The following SERINC2 variants were observed in gnomAD, a reference collection of about 807,000 sequenced individuals.
The protein encoded by SERINC2 is tumor differentially expressed protein 2.
Under a neutral mutation model 54.2 loss-of-function variants are expected in SERINC2, and 56 were observed. That is an observed-to-expected ratio of 1.03 (90% CI 0.83 to 1.29). The LOEUF is 1.29. Among genes scored for constraint, SERINC2 ranks in the 50% most tolerant of loss-of-function variants. The pLI is 0.00. For missense variants in SERINC2, 614 were observed against 607.4 expected, an observed-to-expected ratio of 1.01 and a Z score of -0.12; for synonymous variants, 272 against 253.1, an observed-to-expected ratio of 1.07 and a Z score of -0.71.
intron 1 of SERINC2, among the ~76,000 whole-genome samples, chr1:31,422,955 C>A (rs921813795): frequency 6.6e-6 from 1 of 152,222 alleles, no homozygotes; most frequent in Non-Finnish European, 1.5e-5. Flanking sequence ...AGCCGAAAAT[C>A]ATTCCGTTTA....
chr1:31,431,595 C>T (rs1304188072), intron 8 of SERINC2, among the ~76,000 whole-genome samples: 1 of 152,232 alleles, frequency 6.6e-6, no homozygotes, highest in African/African-American at 2.4e-5. Context: ...ACCCACAGCT[C>T]CCTGGCACAT....
intron 8 of SERINC2, among the ~76,000 whole-genome samples, chr1:31,431,886 C>A (rs71516315): frequency 2.9e-4 from 2 of 6,952 alleles, no homozygotes; most frequent in South Asian, 5.7e-3. Context: ...ACAGGGTGGA[C>A]AGGGTGGATA....
At chr1:31,427,230 C>T (rs1242496665) in intron 6 of SERINC2, among the ~76,000 whole-genome samples, 2 of 152,194 alleles carry the variant, frequency 1.3e-5, no homozygotes, top group Non-Finnish European at 2.9e-5. Flanking sequence ...GATTCCTAGA[C>T]ACCTCTGGAA....
chr1:31,431,812 GAC>G (rs2148527994), intron 8 of SERINC2, among the ~76,000 whole-genome samples: 2 of 145,196 alleles, frequency 1.4e-5, no homozygotes, highest in Non-Finnish European at 3.1e-5. Flanking sequence ...GGACAGGGTG[GAC>G]AGGGTGGATA....
intron 8 of SERINC2, among the ~76,000 whole-genome samples, chr1:31,432,080 TGGTTAGGGTGGAC>T (rs1641278439): frequency 2.6e-5 from 3 of 114,604 alleles, no homozygotes; most frequent in Admixed American, 8.7e-5. Flanking sequence ...GTGGACAGGG[TGGTTAGGGTGGAC>T]AGGGTGGACA....
rs1400432987 is a variant in SERINC2 at position 31,434,421 on chromosome 1, C to G, written c.*222C>G. The G allele has an allele frequency of 3.5e-6, 2 of 570,692 alleles. No homozygotes were observed. Among genetic ancestry groups the G allele is most frequent in the African/African-American group, 3.7e-5 (2 of 53,442 alleles). The allele number at this position is 570,692 out of a possible 1,614,324, so 35.4% of individuals were successfully genotyped here. A position where few individuals can be genotyped will look rare whatever the true frequency, so the allele number is the denominator to read the frequency against. On this transcript the variant is annotated 3_prime_UTR_variant, in exon 10 of 10. Coordinates refer to ENST00000373709, the MANE Select transcript of SERINC2 (RefSeq NM_178865.5). ...GCCCCATCCCCCCGCCACACCCACACGGTGGAGCTGCCTCTTCCTTCCCCT... is the reference window on the plus strand; with the variant it reads ...GCCCCATCCCCCCGCCACACCCACAGGGTGGAGCTGCCTCTTCCTTCCCCT...
chr1:31,424,331 ATC>A (rs1640975422), intron 2 of SERINC2, among the ~76,000 whole-genome samples: 1 of 152,186 alleles, frequency 6.6e-6, no homozygotes, highest in Non-Finnish European at 1.5e-5. Context: ...GGGCCACAGA[ATC>A]TCTGTTTTCC....
chr1:31,417,852 C>CTTTTTTTTTTTT lies in SERINC2; in HGVS notation c.39+4559_39+4570dup, dbSNP rs3050463. On this transcript the variant is annotated intron_variant, in intron 1 of 9. Coordinates refer to ENST00000373709, the MANE Select transcript of SERINC2 (RefSeq NM_178865.5). ...TTATAGCATGTGTCAAAATTTCATT[C>CTTTTTTTTTTTT]TTTTTTTTTTTTTTTTTTTTTTGAG... Among the ~76,000 whole-genome samples, 21 of 95,724 alleles carry CTTTTTTTTTTTT rather than the reference C, an allele frequency of 2.2e-4. 2 individuals carry two copies. Among genetic ancestry groups the CTTTTTTTTTTTT allele is most frequent in the South Asian group, 1.2e-3 (3 of 2,528 alleles). 62.8% of individuals were successfully genotyped at this position (95,724 alleles called of 152,430 possible). A position where few individuals can be genotyped will look rare whatever the true frequency, so the allele number is the denominator to read the frequency against.
In SERINC2 at chr1:31,423,786, T is replaced by C; in HGVS notation, c.133T>C (p.Phe45Leu). Reference protein sequence around the residue: ...STVSRLIFTFFLFLGVLVSII... With the variant: ...STVSRLIFTFLLFLGVLVSII... ...CGTGAGCCGCCTCATCTTCACGTTCTTCCTCTTCCTGGGGGTGCTGGTGTC... is the reference window on the plus strand; with the variant it reads ...CGTGAGCCGCCTCATCTTCACGTTCCTCCTCTTCCTGGGGGTGCTGGTGTC... The change falls in exon 2 of 10, where the codon TTC becomes CTC. Residue 45 changes from phenylalanine to leucine, a missense_variant. Coordinates refer to ENST00000373709, the MANE Select transcript of SERINC2 (RefSeq NM_178865.5). 1 of 1,614,024 alleles carries C rather than the reference T, an allele frequency of 6.2e-7. No individual in the cohort carries two copies. Among genetic ancestry groups the C allele is most frequent in the Non-Finnish European group, 8.5e-7 (1 of 1,180,004 alleles).
At position 31,434,143 on chromosome 1, in the gene SERINC2, C is replaced by G. The variant is rs782369919; in HGVS notation, c.1312C>G (p.Leu438Val). 6.2e-7 allele frequency: 1 copy of G among 1,613,966 alleles called. No homozygotes were observed. Among genetic ancestry groups the G allele is most frequent in the Admixed American group, 1.7e-5 (1 of 60,008 alleles). ...CTGTGCCAGCTGGGCAGGGCTGCTC[C>G]TCTACCTGTGGACCCTGGTAGCCCC... ...KICASWAGLL[L>V]YLWTLVAPLL... The change falls in exon 10 of 10, where the codon CTC becomes GTC. Residue 438 changes from leucine (L) to valine (V), a missense_variant. By Grantham distance (32) the Leu-to-Val change is conservative. Transcript: ENST00000373709.
rs782353539 is a variant in SERINC2, at chr1:31,424,747, G to A, written c.266G>A (p.Gly89Asp). 1.2e-6 allele frequency: 2 copies of A among 1,611,016 alleles called. No individual in the cohort carries two copies. Among genetic ancestry groups the A allele is most frequent in the South Asian group, 1.1e-5 (1 of 90,438 alleles). ...PTVLQGHIDCGSLLGYRAVYR... is the reference protein window; with the variant it reads ...PTVLQGHIDCDSLLGYRAVYR... ...GTCCTGCAGGGCCACATCGACTGTG[G>A]CTCCCTGCTTGGCTACCGCGCTGTC... Residue 89 changes from glycine (G) to aspartate (D), a missense_variant, in exon 3 of 10, where the codon GGC becomes GAC. Coordinates refer to ENST00000373709, the MANE Select transcript of SERINC2 (RefSeq NM_178865.5).
At chr1:31,432,158 GGGTGGATAGGGTGGAT>G in intron 8 of SERINC2, among the ~76,000 whole-genome samples, 1 of 138,036 alleles carries the variant, frequency 7.2e-6, no homozygotes, top group African/African-American at 2.8e-5. Context: ...AGGGTGGACA[GGGTGGATAGGGTGGAT>G]AGGGTGGATA....
At chr1:31,433,975 A>T in intron 9 of SERINC2, 89 bp from the exon 10 acceptor site, 1 of 1,360,142 alleles carries the variant, frequency 7.4e-7, no homozygotes, top group East Asian at 2.3e-5. Context: ...AGTTGAAGTC[A>T]GGGGTCATAA....
Position 31,424,776 on chromosome 1 carries a change from C to T in SERINC2, c.295C>T (p.Arg99Cys), listed in dbSNP as rs144622850. The change falls in exon 3 of 10, where the codon CGC becomes TGC. Residue 99 changes from arginine to cysteine, a missense_variant. Transcript: ENST00000373709. ...CCTGCTTGGCTACCGCGCTGTCTAC[C>T]GCATGTGCTTCGCCACGGCGGCCTT... is the stretch of plus-strand genomic sequence containing the variant. ...GSLLGYRAVY[R>C]MCFATAAFFF... 55 of 1,612,246 alleles carry T rather than the reference C, an allele frequency of 3.4e-5. 1 individual carries two copies. Among genetic ancestry groups the T allele is most frequent in the East Asian group, 6.7e-5 (3 of 44,826 alleles).
chr1:31,430,855 G>GA (rs1553134351), intron 8 of SERINC2, among the ~76,000 whole-genome samples: 2 of 152,116 alleles, frequency 1.3e-5, no homozygotes, highest in African/African-American at 2.4e-5. Flanking sequence ...ACTCTAGAGG[G>GA]AATCTTGGCT....
At chr1:31,427,824 C>CTTT (rs71035099) in intron 6 of SERINC2, among the ~76,000 whole-genome samples, 5 of 76,518 alleles carry the variant, frequency 6.5e-5, no homozygotes, top group South Asian at 5.5e-4. Flanking sequence ...TTCTTTCTTT[C>CTTT]TTTTTTTTTT....
chr1:31,426,038 G>A (rs1553133581), intron 5 of SERINC2, 125 bp downstream of exon 5: 1 of 1,014,648 alleles, frequency 9.9e-7, no homozygotes, highest in Admixed American at 2.5e-5. Flanking sequence ...CACTGCCTTA[G>A]GTCAAGATTC....
chr1:31,412,311 C>G (rs1462957206), upstream of SERINC2, among the ~76,000 whole-genome samples: 2 of 152,142 alleles, frequency 1.3e-5, no homozygotes, highest in Non-Finnish European at 2.9e-5. Context: ...AGCCATCTGT[C>G]AGGAATGTGG....
rs1640689457 is a variant in SERINC2 at position 31,413,256 on chromosome 1, A to G, written c.-10A>G. On this transcript the variant is annotated 5_prime_UTR_variant, in exon 1 of 10. Coordinates refer to ENST00000373709, the MANE Select transcript of SERINC2 (RefSeq NM_178865.5). The surrounding 1 kb of genome is among the most constrained non-coding windows in gnomAD (Gnocchi z 5.0). Reference sequence around the variant, plus strand: ...CCGGCGCCGGGCGCCCGAAGCCGGGAGCCGCCGCCATGGGGGCCTGCCTGG... The same window carrying G: ...CCGGCGCCGGGCGCCCGAAGCCGGGGGCCGCCGCCATGGGGGCCTGCCTGG... 2.5e-6 allele frequency: 3 copies of G among 1,191,582 alleles called. No individual in the cohort carries two copies. Among genetic ancestry groups the G allele is most frequent in the Non-Finnish European group, 3.1e-6 (3 of 964,180 alleles). The allele number at this position is 1,191,582 out of a possible 1,614,324, so 73.8% of individuals were successfully genotyped here.
Sources: allele counts gnomAD v4.1 joint callset (sites outside exome capture counted in the v4.1 genomes callset), GRCh38; gene constraint gnomAD v4.1.1; non-coding constraint Gnocchi (gnomAD v3.1); transcripts MANE v1.5; gene names NCBI Gene and HGNC (gene_info 2026-07-23, HGNC 2026-07-21).